Variants in MAD2L1 observed in about 807,000 individuals in gnomAD.
MAD2L1 encodes the protein mitotic arrest deficient 2 like 1, also known as mitotic spindle assembly checkpoint protein MAD2A.
In MAD2L1, 10 loss-of-function variants were observed where a neutral mutation model predicts 25.9. The ratio of observed to expected loss-of-function variants is 0.39; its 90% CI spans 0.24 to 0.66. The LOEUF (loss-of-function observed/expected upper bound fraction) is 0.66. MAD2L1 is among the 30% of genes least tolerant of loss of function. MAD2L1 has a pLI of 0.49. For synonymous variants in MAD2L1, 81 were observed against 91.8 expected (o/e 0.88, Z 0.67); for missense variants, 180 against 246.4 (o/e 0.73, Z 1.80).
In MAD2L1 at chr4:120,061,988, C is replaced by A; in HGVS notation, c.328G>T (p.Ala110Ser). ...ATTCCTATTTACCTGTCATCTTTTG[C>A]AGTCTTGTCACACTCAATATCAAAC... ...WQFDIECDKT[A>S]KDDSAPREKS... The change falls in exon 3 of 5, where the codon GCA (alanine) becomes TCA (serine). Residue 110 changes from alanine (A) to serine (S), a missense_variant. By Grantham distance (99) the Ala-to-Ser change is moderately conservative. Coordinates refer to ENST00000296509, the MANE Select transcript of MAD2L1 (RefSeq NM_002358.4). 3 of 1,603,658 alleles carry A rather than the reference C, an allele frequency of 1.9e-6. No homozygotes were observed. The South Asian group carries it at 3.4e-5, about 18-fold the overall frequency.
In MAD2L1 at chr4:120,061,292, T is replaced by C. The variant is rs114411155; in HGVS notation, c.342-315A>G. On this transcript the variant is annotated intron_variant, in intron 3 of 4. Transcript: ENST00000296509. ...CAAGTTCAGGAAACTTCAGCATCTC[T>C]TGAAATAAAAATAAGTGATATCTAA... 4.2e-3 allele frequency among the ~76,000 whole-genome samples: 641 copies of C among 152,292 alleles called. 4 individuals carry two copies. Among genetic ancestry groups the C allele is most frequent in the African/African-American group, 0.015 (615 of 41,560 alleles).
At position 120,057,233 on chromosome 4, in the gene MAD2L1, C is replaced by A. The variant is rs1248786535; in HGVS notation, c.*2885G>T. On this transcript the variant is annotated 3_prime_UTR_variant, in exon 5 of 5. Coordinates refer to ENST00000296509, the MANE Select transcript of MAD2L1 (RefSeq NM_002358.4). Reference sequence around the variant, plus strand: ...ACCTGGCCATTTACAGAAAGTTTGCCAACCTCTAGTCCATTAGATAACTGT... The same window carrying A: ...ACCTGGCCATTTACAGAAAGTTTGCAAACCTCTAGTCCATTAGATAACTGT... 6.6e-6 allele frequency: 1 copy of A among 152,118 alleles called. No homozygotes were observed. Among genetic ancestry groups the A allele is most frequent in the Non-Finnish European group, 1.5e-5 (1 of 68,046 alleles). The allele number at this position is 152,118 out of a possible 1,614,324, so 9.4% of individuals were successfully genotyped here.
At chr4:120,062,800 G>A (rs768686248) in intron 2 of MAD2L1, among the ~76,000 whole-genome samples, 2 of 152,194 alleles carry the variant, frequency 1.3e-5, no homozygotes, top group Non-Finnish European at 2.9e-5. Context: ...CATTCTAGCC[G>A]TGATACGGAA....
chr4:120,061,957 A>G lies in MAD2L1; in HGVS notation c.341+18T>C. 2 of 1,578,828 alleles carry G rather than the reference A, an allele frequency of 1.3e-6. No homozygotes were observed. The highest frequency in any genetic ancestry group is 1.7e-6 in the Non-Finnish European group (2 of 1,166,034). On this transcript the variant is annotated intron_variant, in intron 3 of 4. Transcript: ENST00000296509. ...AAAAAAAATATATCAAAGTAGAAAT[A>G]ATGTAATTCCTATTTACCTGTCATC...
At chr4:120,062,193 C>A in intron 2 of MAD2L1, 98 bp from the exon 3 acceptor site, 1 of 1,103,062 alleles carries the variant, frequency 9.1e-7, no homozygotes. Context: ...AAATTCCTAC[C>A]ACTGCTATCT....
At chr4:120,063,956 C>A (rs1726269256) in intron 2 of MAD2L1, among the ~76,000 whole-genome samples, 1 of 152,142 alleles carries the variant, frequency 6.6e-6, no homozygotes, top group Non-Finnish European at 1.5e-5. Flanking sequence ...CACGCCACTG[C>A]ACTCCAGCCT....
rs887791416 is a variant in MAD2L1 at position 120,066,513 on chromosome 4, T to G, written c.73+149A>C. 7 of 653,766 alleles carry G rather than the reference T, an allele frequency of 1.1e-5. No homozygotes were observed. In the African/African-American group the frequency reaches 1.3e-4, roughly 12 times the overall value. 40.5% of individuals were successfully genotyped at this position (653,766 alleles called of 1,614,324 possible). ...GGTAGGCCCCAGCAGCACGCAGGCC[T>G]GCAGCTCCACGTTAGCAACGCGTCT... On this transcript the variant is annotated intron_variant, in intron 1 of 4. Transcript: ENST00000296509.
At chr4:120,061,625 T>C (rs1014046446) in intron 3 of MAD2L1, among the ~76,000 whole-genome samples, 1 of 152,248 alleles carries the variant, frequency 6.6e-6, no homozygotes, top group East Asian at 1.9e-4. Context: ...TTAAATTGTG[T>C]GAGTCTAATA....
chr4:120,064,833 G>A (rs1343510552), intron 2 of MAD2L1, among the ~76,000 whole-genome samples: 1 of 151,526 alleles, frequency 6.6e-6, no homozygotes, highest in Non-Finnish European at 1.5e-5. Context: ...CAATAAAAAC[G>A]GTAAAAAAGA....
rs74662595 is a variant in MAD2L1, at chr4:120,056,279, G to C, written c.*3839C>G. On this transcript the variant is annotated 3_prime_UTR_variant, in exon 5 of 5. Coordinates refer to ENST00000296509, the MANE Select transcript of MAD2L1 (RefSeq NM_002358.4). ...ATGAGAATTAAATAAAAATTCATGT[G>C]AAGTGACTAGTAAATAATAAATGCT... The C allele has an allele frequency of 2.4e-4, 36 of 152,288 alleles. No homozygotes were observed. In the East Asian group the frequency reaches 6.6e-3, roughly 28 times the overall value. 9.4% of individuals were successfully genotyped at this position (152,288 alleles called of 1,614,324 possible).
chr4:120,066,122 G>C (rs1029103379), intron 1 of MAD2L1, among the ~76,000 whole-genome samples: 2 of 152,054 alleles, frequency 1.3e-5, no homozygotes, highest in African/African-American at 4.8e-5. Context: ...TGAGGCTAGA[G>C]GATGTCAAAA....
chr4:120,059,257 A>G lies in MAD2L1; in HGVS notation c.*861T>C, dbSNP rs1726164442. On this transcript the variant is annotated 3_prime_UTR_variant, in exon 5 of 5. Coordinates refer to ENST00000296509, the MANE Select transcript of MAD2L1 (RefSeq NM_002358.4). The stretch of plus-strand genomic sequence containing the variant: ...CCTTAAGTCTATTGCTATGAGATGA[A>G]CAGGATGTGATCAAAGTTTATCCAT... 6.6e-6 allele frequency: 1 copy of G among 152,220 alleles called. No homozygotes were observed. The highest frequency in any genetic ancestry group is 2.1e-4 in the South Asian group (1 of 4,836). 9.4% of individuals were successfully genotyped at this position (152,220 alleles called of 1,614,324 possible). A position where few individuals can be genotyped will look rare whatever the true frequency, so the allele number is the denominator to read the frequency against.
intron 1 of MAD2L1, 95 bp downstream of exon 1, chr4:120,066,567 C>G (rs1219016956): frequency 2.6e-6 from 3 of 1,155,828 alleles, no homozygotes; most frequent in East Asian, 2.5e-5. Flanking sequence ...CGCCTCTCCC[C>G]AGATTACTTC....
At chr4:120,060,842 T>C (rs374035030) in intron 4 of MAD2L1, 32 bp downstream of exon 4, 3 of 1,414,972 alleles carry the variant, frequency 2.1e-6, no homozygotes, top group Non-Finnish European at 3.0e-6. Flanking sequence ...TGCCAATCAA[T>C]TTAATTCAAC....
chr4:120,056,737 G>A lies in MAD2L1; in HGVS notation c.*3381C>T, dbSNP rs919619107. ...TCCTATTGTGAGTCTCATAAAAAGGGTCTCTTTTTTAAAGGAGAGCCCATA... is the reference window on the plus strand; with the variant it reads ...TCCTATTGTGAGTCTCATAAAAAGGATCTCTTTTTTAAAGGAGAGCCCATA... On this transcript the variant is annotated 3_prime_UTR_variant, in exon 5 of 5. Transcript: ENST00000296509. 2 of 152,108 alleles carry A rather than the reference G, an allele frequency of 1.3e-5. No homozygotes were observed. The highest frequency in any genetic ancestry group is 4.8e-5 in the African/African-American group (2 of 41,410). The allele number at this position is 152,108 out of a possible 1,614,324, so 9.4% of individuals were successfully genotyped here. A position where few individuals can be genotyped will look rare whatever the true frequency, so the allele number is the denominator to read the frequency against.
chr4:120,066,711 C>T lies in MAD2L1; in HGVS notation c.24G>A (p.Glu8=). 6.2e-7 allele frequency: 1 copy of T among 1,603,246 alleles called. No individual in the cohort carries two copies. Among genetic ancestry groups the T allele is most frequent in the East Asian group, 2.2e-5 (1 of 44,496 alleles). The change falls in exon 1 of 5, where the codon GAG becomes GAA. Residue 8 remains glutamate (E), a synonymous_variant. Transcript: ENST00000296509. MALQLSR[E]QGITLRGSAE... ...CGCTCCCGCGCAGGGTGATTCCCTG[C>T]TCCCGGGAGAGCTGCAGCGCCATGG...
At position 120,066,744 on chromosome 4, in the gene MAD2L1, CACAA is replaced by C; in HGVS notation, c.-14_-11del. The C allele has an allele frequency of 6.3e-7, 1 of 1,590,984 alleles. No individual in the cohort carries two copies. Among genetic ancestry groups the C allele is most frequent in the Non-Finnish European group, 8.6e-7 (1 of 1,163,000 alleles). On this transcript the variant is annotated 5_prime_UTR_variant, in exon 1 of 5. Transcript: ENST00000296509. ...AGAGCTGCAGCGCCATGGCCAGGGA[CACAA>C]ACAAAAGCACGCGCTTCCACTCCGC...
chr4:120,065,701 T>C lies in MAD2L1; in HGVS notation c.191A>G (p.Tyr64Cys). The change falls in exon 2 of 5, where the codon TAC becomes TGC. Residue 64 changes from tyrosine to cysteine, a missense_variant. Coordinates refer to ENST00000296509, the MANE Select transcript of MAD2L1 (RefSeq NM_002358.4). ...CAGTTGTTCCACCACATTATTTAGGTATTTTATGAGCTCAAGATCAGTAGT... is the reference window on the plus strand; with the variant it reads ...CAGTTGTTCCACCACATTATTTAGGCATTTTATGAGCTCAAGATCAGTAGT... Reference protein sequence around the residue: ...LVTTDLELIKYLNNVVEQLKD... With the variant: ...LVTTDLELIKCLNNVVEQLKD... 6.2e-7 allele frequency: 1 copy of C among 1,613,882 alleles called. No individual in the cohort carries two copies. The highest frequency in any genetic ancestry group is 8.5e-7 in the Non-Finnish European group (1 of 1,179,944).
At chr4:120,064,415 A>G (rs1242163158) in intron 2 of MAD2L1, among the ~76,000 whole-genome samples, 1 of 152,142 alleles carries the variant, frequency 6.6e-6, no homozygotes, top group Non-Finnish European at 1.5e-5. Context: ...GAAGTTCTCA[A>G]CCAAGGGCAG....
Sources: gnomAD v4.1 joint callset for allele counts (sites outside exome capture counted in the v4.1 genomes callset) on GRCh38, gnomAD v4.1.1 for gene constraint, MANE v1.5 for transcripts, NCBI Gene and HGNC (gene_info 2026-07-23, HGNC 2026-07-21) for gene names.